The following CAMK1 variants were observed in gnomAD, a reference collection of about 807,000 sequenced individuals.
CAMK1 encodes calcium/calmodulin-dependent protein kinase type 1.
Under a neutral mutation model 49.1 loss-of-function variants are expected in CAMK1, and 39 were observed. That is an observed-to-expected ratio of 0.79 (90% CI 0.62 to 1.04). The LOEUF is 1.04. CAMK1 is among the 50% of genes least tolerant of loss of function. The pLI is 0.00. For missense variants in CAMK1, 457 were observed against 472.2 expected (o/e 0.97, Z 0.30); for synonymous variants, 192 against 185.2 (o/e 1.04, Z -0.30).
intron 8 of CAMK1, chr3:9,760,296 A>T (rs2077792004): frequency 4.4e-6 from 1 of 228,862 alleles, no homozygotes; most frequent in Non-Finnish European, 8.8e-6. Flanking sequence ...CAGTGCATTC[A>T]CACTGATGAT....
chr3:9,763,145 A>T lies in CAMK1; in HGVS notation c.284T>A (p.Met95Lys). ...CAGAGGTTGGGCCACTCACAGCTGC[A>T]TGATGAGGTAGAGGTGGCCCCCACT... is the stretch of plus-strand genomic sequence containing the variant. ...YESGGHLYLI[M>K]QLVSGGELFD... is the part of the protein sequence containing the mutation. Residue 95 changes from methionine (M) to lysine (K), a missense_variant, in exon 4 of 12, where the codon ATG (methionine) becomes AAG (lysine). By Grantham distance (95) the Met-to-Lys change is moderately conservative (BLOSUM62 -1). Coordinates refer to ENST00000256460, the MANE Select transcript of CAMK1 (RefSeq NM_003656.5). 1.2e-6 allele frequency: 2 copies of T among 1,614,176 alleles called. No individual in the cohort carries two copies. The highest frequency in any genetic ancestry group is 1.7e-6 in the Non-Finnish European group (2 of 1,180,028).
chr3:9,762,975 A>T lies in CAMK1; in HGVS notation c.368T>A (p.Phe123Tyr). Reference protein sequence around the residue: ...YTERDASRLIFQVLDAVKYLH... With the variant: ...YTERDASRLIYQVLDAVKYLH... ...GTATTTCACAGCATCCAGCACCTGGAAGATGAGGCGGCTGGCGTCCCGCTC... is the reference window on the plus strand; with the variant it reads ...GTATTTCACAGCATCCAGCACCTGGTAGATGAGGCGGCTGGCGTCCCGCTC... Residue 123 changes from phenylalanine (F) to tyrosine (Y), a missense_variant, in exon 5 of 12, where the codon TTC becomes TAC. Coordinates refer to ENST00000256460, the MANE Select transcript of CAMK1 (RefSeq NM_003656.5). 1 of 1,614,138 alleles carries T rather than the reference A, an allele frequency of 6.2e-7. No individual in the cohort carries two copies. The highest frequency in any genetic ancestry group is 1.1e-5 in the South Asian group (1 of 91,082).
chr3:9,757,959 GTTATT>G lies in CAMK1; in HGVS notation c.913-118_913-114del, dbSNP rs1046431761. The G allele has an allele frequency of 3.6e-5, 53 of 1,482,474 alleles. No individual in the cohort carries two copies. The highest frequency in any genetic ancestry group is 2.5e-4 in the African/African-American group (18 of 70,950). 91.8% of individuals were successfully genotyped at this position (1,482,474 alleles called of 1,614,324 possible). A position where few individuals can be genotyped will look rare whatever the true frequency, so the allele number is the denominator to read the frequency against. On this transcript the variant is annotated intron_variant, in intron 10 of 11. Transcript: ENST00000256460. This position sits in a 1 kb window ranked among gnomAD's most constrained non-coding sequence, Gnocchi z 4.5. Reference sequence around the variant, plus strand: ...ATTGTTCTGTTATTTTCATTCAGGAGTTATTTTATTAATTCCCCTAAAGCCCCCCA... The same window carrying G: ...ATTGTTCTGTTATTTTCATTCAGGAGTTATTAATTCCCCTAAAGCCCCCCA...
chr3:9,769,290 C>T (rs1388092408), intron 1 of CAMK1, among the ~76,000 whole-genome samples: 1 of 151,954 alleles, frequency 6.6e-6, no homozygotes, highest in Admixed American at 6.6e-5. Flanking sequence ...CCTACACCCT[C>T]CAGCTCCTCT....
intron 1 of CAMK1, among the ~76,000 whole-genome samples, chr3:9,768,332 A>G (rs1450418590): frequency 6.6e-6 from 1 of 152,210 alleles, no homozygotes; most frequent in Non-Finnish European, 1.5e-5. Flanking sequence ...AACAACAGCC[A>G]CAGCTGGAGC....
In CAMK1 at chr3:9,762,914, C is replaced by T. The variant is rs757326779; in HGVS notation, c.429G>A (p.Lys143=). Residue 143 remains lysine, a splice_region_variant and synonymous_variant, in exon 5 of 12, where the codon AAG becomes AAA. Coordinates refer to ENST00000256460, the MANE Select transcript of CAMK1 (RefSeq NM_003656.5). ...HDLGIVHRDL[K]PENLLYYSLD... ...CTCACCACACCCCCTTGAGCCCCAC[C>T]TTGAGATCCCGGTGTACAATGCCCA... 8 of 1,614,112 alleles carry T rather than the reference C, an allele frequency of 5.0e-6. No homozygotes were observed. The highest frequency in any genetic ancestry group is 1.1e-5 in the South Asian group (1 of 91,078).
At chr3:9,761,918 A>G (rs1039727841) in intron 5 of CAMK1, 161 bp from the exon 6 acceptor site, 16 of 1,101,978 alleles carry the variant, frequency 1.5e-5, no homozygotes, top group Non-Finnish European at 2.0e-5. Flanking sequence ...AAGAAGGCCA[A>G]AAATTCCAGG....
At chr3:9,768,763 C>A (rs2078226460) in intron 1 of CAMK1, among the ~76,000 whole-genome samples, 1 of 152,232 alleles carries the variant, frequency 6.6e-6, no homozygotes, top group Non-Finnish European at 1.5e-5. Flanking sequence ...TTCCTTCTCT[C>A]TTTTTCTCTA....
chr3:9,757,692 G>C lies in CAMK1; in HGVS notation c.1030+37C>G. ...CACTCCAGCCCGGGTGCACCTTTGT[G>C]GACCACCCATGCCCTTCTGCAGAGC... is the stretch of plus-strand genomic sequence containing the variant. On this transcript the variant is annotated intron_variant, in intron 11 of 11. Coordinates refer to ENST00000256460, the MANE Select transcript of CAMK1 (RefSeq NM_003656.5). The surrounding 1 kb of genome is among the most constrained non-coding windows in gnomAD (Gnocchi z 4.5). The C allele has an allele frequency of 6.2e-7, 1 of 1,614,020 alleles. No individual in the cohort carries two copies. Among genetic ancestry groups the C allele is most frequent in the Non-Finnish European group, 8.5e-7 (1 of 1,179,994 alleles).
chr3:9,759,016 G>C, intron 10 of CAMK1: 1 of 671,950 alleles, frequency 1.5e-6, no homozygotes, highest in South Asian at 1.6e-5. Context: ...GTGCTCCTCT[G>C]TGGCATATGA....
intron 3 of CAMK1, among the ~76,000 whole-genome samples, chr3:9,765,443 C>G (rs989783469): frequency 1.3e-5 from 2 of 152,000 alleles, no homozygotes; most frequent in African/African-American, 4.8e-5. Context: ...TGAGGTAGGT[C>G]CAGAGACAAC....
chr3:9,760,983 C>G, intron 7 of CAMK1: 2 of 597,794 alleles, frequency 3.3e-6, no homozygotes, highest in East Asian at 3.3e-5. Flanking sequence ...GGCCTTTGCA[C>G]TTGCCATTGC....
chr3:9,761,528 C>A lies in CAMK1; in HGVS notation c.565G>T (p.Val189Phe), dbSNP rs761231706. Residue 189 changes from valine to phenylalanine, a missense_variant, in exon 7 of 12, where the codon GTC (valine) becomes TTC (phenylalanine). Physicochemically the swap from Val to Phe is conservative, Grantham distance 50. Coordinates refer to ENST00000256460, the MANE Select transcript of CAMK1 (RefSeq NM_003656.5). ...CGTPGYVAPE[V>F]LAQKPYSKAV... ...TTGCTGTAGGGCTTCTGGGCCAGGA[C>A]TTCAGGGGCTGTGGAGGGAAGAGGA... 46 of 1,613,504 alleles carry A rather than the reference C, an allele frequency of 2.9e-5. No homozygotes were observed. Among genetic ancestry groups the A allele is most frequent in the Non-Finnish European group, 3.7e-5 (44 of 1,179,706 alleles).
Position 9,768,385 on chromosome 3 carries a change from A to G in CAMK1, c.-32-604T>C, listed in dbSNP as rs747823937. ...CCTGACTCCCCATCTGGGTCCCGGG[A>G]GCATGAGAAATGGTCCTGCTCACTC... On this transcript the variant is annotated intron_variant, in intron 1 of 11. Transcript: ENST00000256460. Among the ~76,000 whole-genome samples the G allele has an allele frequency of 3.9e-5, 6 of 152,156 alleles. No individual in the cohort carries two copies. In the South Asian group the frequency reaches 1.2e-3, roughly 31 times the overall value.
At position 9,761,475 on chromosome 3, in the gene CAMK1, G is replaced by A. The variant is rs984555482; in HGVS notation, c.618C>T (p.Val206=). Residue 206 remains valine, a synonymous_variant, in exon 7 of 12, where the codon GTC becomes GTT. Coordinates refer to ENST00000256460, the MANE Select transcript of CAMK1 (RefSeq NM_003656.5). The part of the protein sequence containing the change: ...SKAVDCWSIG[V]IAYILLCGYP... ...GCCCCACTTACAAGATGTAGGCGAT[G>A]ACACCTATGGACCAGCAATCCACAG... The A allele has an allele frequency of 1.2e-6, 2 of 1,612,228 alleles. No individual in the cohort carries two copies. Among genetic ancestry groups the A allele is most frequent in the Non-Finnish European group, 1.7e-6 (2 of 1,179,114 alleles).
At chr3:9,764,622 T>G (rs958724962) in intron 3 of CAMK1, among the ~76,000 whole-genome samples, 5 of 129,908 alleles carry the variant, frequency 3.8e-5, no homozygotes, top group East Asian at 2.3e-4. Context: ...TTTTTGTTTT[T>G]TTTTTGTTTT....
At chr3:9,760,915 G>C (rs7617500) in intron 7 of CAMK1, 147 bp from the exon 8 acceptor site, 559,289 of 1,184,188 alleles carry the variant, frequency 0.47, 138,813 homozygotes, top group Non-Finnish European at 0.51. Context: ...GCTCACTCCT[G>C]TTCTAGCTAC....
intron 3 of CAMK1, among the ~76,000 whole-genome samples, chr3:9,763,805 G>C (rs2078008088): frequency 3.3e-5 from 5 of 152,058 alleles, no homozygotes. Flanking sequence ...GGCCAACATG[G>C]CGAAAACCCA....
chr3:9,767,916 A>T (rs2078199831), intron 1 of CAMK1, 135 bp from the exon 2 acceptor site: 2 of 1,295,556 alleles, frequency 1.5e-6, no homozygotes, highest in Admixed American at 6.0e-5. Context: ...CATTCAACAA[A>T]CATTCATTTG....
Sources: gnomAD v4.1 joint callset for allele counts (sites outside exome capture counted in the v4.1 genomes callset) on GRCh38, gnomAD v4.1.1 for gene constraint, Gnocchi (gnomAD v3.1) non-coding constraint, MANE v1.5 for transcripts, NCBI Gene and HGNC (gene_info 2026-07-23, HGNC 2026-07-21) for gene names.